SOX30: variants seen among roughly 807,000 people sequenced by gnomAD.
SOX30 encodes transcription factor SOX-30.
Under a neutral mutation model 58.6 loss-of-function variants are expected in SOX30, and 17 were observed. The observed-to-expected ratio is 0.29, with a 90% confidence interval of 0.20 to 0.44. The LOEUF is 0.44. SOX30 is among the 20% of genes least tolerant of loss of function. The pLI is 1.00. For missense variants in SOX30, 951 were observed against 965.8 expected (o/e 0.98, Z 0.20); for synonymous variants, 421 against 400.2 (o/e 1.05, Z -0.62).
At chr5:157,656,834 TG>T (rs1759482149), upstream of SOX30, among the ~76,000 whole-genome samples, 1 of 152,200 alleles carries the variant, frequency 6.6e-6, no homozygotes, top group African/African-American at 2.4e-5. Flanking sequence ...TTGGAAAGTG[TG>T]AAAAATTAAT....
At chr5:157,656,670 A>C (rs1202590625), upstream of SOX30, among the ~76,000 whole-genome samples, 2 of 152,224 alleles carry the variant, frequency 1.3e-5, no homozygotes, top group Non-Finnish European at 2.9e-5. Flanking sequence ...ACTACTGAAG[A>C]ATAGTTCTAC....
chr5:157,652,572 AG>A (rs1432944912), upstream of SOX30, among the ~76,000 whole-genome samples: 1 of 152,196 alleles, frequency 6.6e-6, no homozygotes, highest in Non-Finnish European at 1.5e-5. Context: ...GAGTACCACC[AG>A]GGCTTTTGAA....
rs199617450 is a variant in SOX30 at position 157,651,524 on chromosome 5, C to T, written c.555G>A (p.Lys185=). The T allele has an allele frequency of 6.2e-7, 1 of 1,613,446 alleles. No homozygotes were observed. Among genetic ancestry groups the T allele is most frequent in the South Asian group, 1.1e-5 (1 of 91,088 alleles). Residue 185 remains lysine, a synonymous_variant, in exon 1 of 5, where the codon AAG becomes AAA. Transcript: ENST00000265007. ...CTCTCATGACCTCCTCCGCCTCCAG[C>T]TTGCCCTTCTCGTCCCCTCGGAAGT... ...LGYFRGDEKG[K]LEAEEVMRDS...
At chr5:157,626,796 T>G in intron 4 of SOX30, 75 bp from the exon 5 acceptor site, 1 of 1,471,184 alleles carries the variant, frequency 6.8e-7, no homozygotes, top group South Asian at 1.4e-5. Flanking sequence ...ACAGAGCAAG[T>G]TAATGCCTCC....
At position 157,651,138 on chromosome 5, in the gene SOX30, G is replaced by C. The variant is rs372385610; in HGVS notation, c.941C>G (p.Pro314Arg). 1 of 1,561,166 alleles carries C rather than the reference G, an allele frequency of 6.4e-7. No individual in the cohort carries two copies. The highest frequency in any genetic ancestry group is 8.7e-7 in the Non-Finnish European group (1 of 1,153,516). ...PSVKIETKDV[P>R]LTVLPSDAGI... ...TGCATCTGAGGGCAACACGGTGAGC[G>C]GGACATCTTTGGTTTCAATTTTTAC... is the stretch of plus-strand genomic sequence containing the variant. The change falls in exon 1 of 5, where the codon CCG (proline) becomes CGG (arginine). Residue 314 changes from proline to arginine, a missense_variant. Pro to Arg is a moderately radical substitution (Grantham distance 103, BLOSUM62 -2). Coordinates refer to ENST00000265007, the MANE Select transcript of SOX30 (RefSeq NM_178424.2).
At chr5:157,654,706 G>A (rs1220618613), upstream of SOX30, among the ~76,000 whole-genome samples, 1 of 152,142 alleles carries the variant, frequency 6.6e-6, no homozygotes, top group African/African-American at 2.4e-5. Flanking sequence ...GATAAAACGG[G>A]TTGCAATAAA....
Position 157,667,804 on chromosome 5 carries a change from G to A in SOX30, c.46C>T (p.Gln16Ter), listed in dbSNP as rs1759700996. ...CACACACACACATACAAACCTTGCT[G>A]GATGCACAGTAGACTTTGTTCCTTC... The change falls in exon 2 of 6, where the codon CAG becomes TAG. Residue 16 changes from glutamine to a stop codon, truncating the protein, a stop_gained. Transcript: ENST00000519442. LOFTEE classifies it high-confidence loss of function. 6.5e-7 allele frequency: 1 copy of A among 1,535,180 alleles called. No homozygotes were observed. Among genetic ancestry groups the A allele is most frequent in the African/African-American group, 1.4e-5 (1 of 72,992 alleles).
At chr5:157,665,395 T>G (rs7703839) in intron 2 of SOX30, among the ~76,000 whole-genome samples, 1 of 151,938 alleles carries the variant, frequency 6.6e-6, no homozygotes, top group East Asian at 1.9e-4. Flanking sequence ...GGGAATTGAA[T>G]AATGAGAACA....
At chr5:157,658,547 A>C (rs1025314640) in intron 2 of SOX30, among the ~76,000 whole-genome samples, 3 of 152,030 alleles carry the variant, frequency 2.0e-5, no homozygotes, top group African/African-American at 7.3e-5. Context: ...TTTTGTCAAA[A>C]CTCGGAGTTA....
chr5:157,667,598 G>T (rs1452673840), intron 2 of SOX30, among the ~76,000 whole-genome samples: 1 of 152,120 alleles, frequency 6.6e-6, no homozygotes, highest in East Asian at 1.9e-4. Flanking sequence ...GCCGGATGTG[G>T]TGGCAGGCCC....
At chr5:157,647,582 T>C (rs1759223758) in intron 2 of SOX30, among the ~76,000 whole-genome samples, 1 of 151,790 alleles carries the variant, frequency 6.6e-6, no homozygotes, top group Non-Finnish European at 1.5e-5. Flanking sequence ...TGAGACAGAG[T>C]CTCACTCTGC....
At chr5:157,663,138 A>G (rs1217407281) in intron 2 of SOX30, among the ~76,000 whole-genome samples, 5 of 152,210 alleles carry the variant, frequency 3.3e-5, no homozygotes, top group Non-Finnish European at 7.3e-5. Context: ...AGCCTGGCAG[A>G]GACACAACAA....
chr5:157,670,785 G>T (rs984529035), intron 1 of SOX30, among the ~76,000 whole-genome samples: 2 of 152,170 alleles, frequency 1.3e-5, no homozygotes, highest in Admixed American at 6.5e-5. Context: ...ACACAAGAGG[G>T]AAGTGAGACC....
At chr5:157,650,698 T>G (rs1364434629) in intron 1 of SOX30, among the ~76,000 whole-genome samples, 1 of 152,220 alleles carries the variant, frequency 6.6e-6, no homozygotes, top group Non-Finnish European at 1.5e-5. Context: ...TCCTGTTTAA[T>G]TATAATCACT....
upstream of SOX30, among the ~76,000 whole-genome samples, chr5:157,652,879 G>A (rs1759397961): frequency 6.6e-6 from 1 of 152,120 alleles, no homozygotes; most frequent in African/African-American, 2.4e-5. Context: ...AGCTGCCAGT[G>A]ATCTTTCGAA....
At chr5:157,663,889 C>CA (rs1472364989) in intron 2 of SOX30, among the ~76,000 whole-genome samples, 8 of 152,086 alleles carry the variant, frequency 5.3e-5, no homozygotes, top group African/African-American at 1.9e-4. Context: ...ATCCAATTTA[C>CA]AAGGGATGTG....
At chr5:157,639,647 T>C (rs1759015828) in intron 3 of SOX30, among the ~76,000 whole-genome samples, 1 of 152,230 alleles carries the variant, frequency 6.6e-6, no homozygotes, top group South Asian at 2.1e-4. Flanking sequence ...AGCTGCTAAG[T>C]GACCCAAATG....
At chr5:157,642,152 C>A in intron 3 of SOX30, among the ~76,000 whole-genome samples, 1 of 151,928 alleles carries the variant, frequency 6.6e-6, no homozygotes, top group East Asian at 1.9e-4. Context: ...CCCGTCTCTA[C>A]TAAAAATACA....
upstream of SOX30, among the ~76,000 whole-genome samples, chr5:157,654,098 AG>A (rs1238381610): frequency 1.3e-5 from 2 of 151,738 alleles, no homozygotes; most frequent in African/African-American, 4.8e-5. Flanking sequence ...CCTGGGAGGC[AG>A]AGGTTGCAGG....
Sources: gnomAD v4.1 joint callset for allele counts (sites outside exome capture counted in the v4.1 genomes callset) on GRCh38, gnomAD v4.1.1 for gene constraint, MANE v1.5 for transcripts, NCBI Gene and HGNC (gene_info 2026-07-23, HGNC 2026-07-21) for gene names.